The following CCDC3 variants were observed in gnomAD, a reference collection of about 807,000 sequenced individuals.
CCDC3 encodes the protein coiled-coil domain-containing protein 3.
In CCDC3, 24 loss-of-function variants were observed where a neutral mutation model predicts 21.4. The ratio of observed to expected loss-of-function variants is 1.12; its 90% CI spans 0.81 to 1.58. The LOEUF is 1.58. CCDC3 is among the 40% of genes most tolerant of loss of function. The pLI, the probability that CCDC3 is intolerant of heterozygous loss-of-function variation, is 0.00. For missense variants in CCDC3, 425 were observed against 360.9 expected, an observed-to-expected ratio of 1.18 and a Z score of -1.44; for synonymous variants, 186 against 166.0, an observed-to-expected ratio of 1.12 and a Z score of -0.93.
Position 13,062,641 on chromosome 10 carries a change from C to T in CCDC3, c.-270+11227G>A, listed in dbSNP as rs188381806. ...CGTTCCTGGGGGTAGGCTGAACTAA[C>T]TTTGGGAGAAACTTAGTTTATGGTT... is the stretch of plus-strand genomic sequence containing the variant. On this transcript the variant is annotated intron_variant, in intron 4 of 6. Coordinates refer to the CCDC3 transcript ENST00000378839. Among the ~76,000 whole-genome samples the T allele has an allele frequency of 5.4e-3, 817 of 152,264 alleles. 4 individuals carry two copies. The highest frequency in any genetic ancestry group is 8.4e-3 in the Non-Finnish European group (572 of 68,004).
At chr10:12,948,438 T>G (rs1024103205) in intron 2 of CCDC3, among the ~76,000 whole-genome samples, 1 of 150,288 alleles carries the variant, frequency 6.7e-6, no homozygotes, top group Non-Finnish European at 1.5e-5. Flanking sequence ...GGTGAAGAGT[T>G]TGATGTGGCT....
chr10:12,983,130 GTATATATATATATATA>G (rs57120940), intron 2 of CCDC3, among the ~76,000 whole-genome samples: 1 of 29,070 alleles, frequency 3.4e-5, no homozygotes, highest in African/African-American at 1.5e-4. Flanking sequence ...ATAAAATAGT[GTATATATATATATATA>G]TATATATATA....
chr10:13,097,219 C>G (rs1832637871), intron 3 of CCDC3, among the ~76,000 whole-genome samples: 1 of 152,140 alleles, frequency 6.6e-6, no homozygotes. Flanking sequence ...AGTTTTTTCG[C>G]TGCATTTAGA....
intron 2 of CCDC3, among the ~76,000 whole-genome samples, chr10:12,958,769 C>T (rs958922049): frequency 6.6e-6 from 1 of 152,188 alleles, no homozygotes; most frequent in African/African-American, 2.4e-5. Context: ...GCCTCATCCT[C>T]ATCCTCGGCA....
intron 3 of CCDC3, among the ~76,000 whole-genome samples, chr10:13,085,074 C>T (rs1286567384): frequency 2.0e-5 from 3 of 152,182 alleles, no homozygotes; most frequent in Non-Finnish European, 2.9e-5. Context: ...ATCCTGACAA[C>T]AAAGAGAATA....
intron 2 of CCDC3, among the ~76,000 whole-genome samples, chr10:12,939,473 A>G (rs970874758): frequency 1.3e-5 from 2 of 152,210 alleles, no homozygotes; most frequent in African/African-American, 2.4e-5. Flanking sequence ...AAATACAAAA[A>G]TTAGCTAGGC....
At chr10:12,968,583 AC>A (rs1289046683) in intron 2 of CCDC3, among the ~76,000 whole-genome samples, 1 of 152,234 alleles carries the variant, frequency 6.6e-6, no homozygotes, top group Non-Finnish European at 1.5e-5. Flanking sequence ...CAAATTCAGA[AC>A]AGTCTAATAT....
intron 3 of CCDC3, among the ~76,000 whole-genome samples, chr10:13,095,142 C>G (rs1388466371): frequency 1.8e-5 from 1 of 56,422 alleles, no homozygotes; most frequent in African/African-American, 4.1e-5. Context: ...TCTCTGTTTT[C>G]AGTTTCTTTG....
chr10:12,899,556 A>G (rs1478974052), intron 2 of CCDC3, among the ~76,000 whole-genome samples: 1 of 152,224 alleles, frequency 6.6e-6, no homozygotes, highest in Non-Finnish European at 1.5e-5. Context: ...ACCCATCAAG[A>G]GAGGTCTGGT....
intron 2 of CCDC3, among the ~76,000 whole-genome samples, chr10:12,956,055 G>C (rs1050188564): frequency 2.6e-5 from 4 of 151,946 alleles, no homozygotes; most frequent in Admixed American, 1.3e-4. Flanking sequence ...GCCCAGGCTG[G>C]TCTTGAACTC....
intron 2 of CCDC3, among the ~76,000 whole-genome samples, chr10:12,902,955 C>A (rs930602055): frequency 1.3e-5 from 2 of 152,122 alleles, no homozygotes; most frequent in East Asian, 3.9e-4. Flanking sequence ...ATGATAAATT[C>A]CCAAGCAAAG....
intron 4 of CCDC3, chr10:13,058,437 G>T: frequency 1.3e-6 from 1 of 768,856 alleles, no homozygotes; most frequent in Non-Finnish European, 2.4e-6. Context: ...GGCAGTTCGT[G>T]TGCATATGCT....
At chr10:12,938,837 T>G (rs1015763318) in intron 2 of CCDC3, among the ~76,000 whole-genome samples, 19 of 152,222 alleles carry the variant, frequency 1.2e-4, no homozygotes, top group Non-Finnish European at 2.2e-4. Flanking sequence ...GTCTCCTATA[T>G]AATGCCTGCT....
At chr10:13,096,352 T>G (rs1425785500) in intron 3 of CCDC3, among the ~76,000 whole-genome samples, 1 of 152,074 alleles carries the variant, frequency 6.6e-6, no homozygotes, top group Non-Finnish European at 1.5e-5. Flanking sequence ...GCCTGGCTAA[T>G]TTTTATATTT....
At chr10:13,038,855 T>C (rs1836413004) in intron 5 of CCDC3, among the ~76,000 whole-genome samples, 1 of 152,186 alleles carries the variant, frequency 6.6e-6, no homozygotes, top group African/African-American at 2.4e-5. Context: ...TCCCACACCA[T>C]CCTGCAGCAC....
intron 2 of CCDC3, among the ~76,000 whole-genome samples, chr10:12,990,263 C>CA (rs61700228): frequency 0.033 from 3,286 of 99,738 alleles, 140 homozygotes; most frequent in African/African-American, 0.1. Context: ...CCGTCTCAAC[C>CA]AAAAAAAAAA....
At chr10:13,009,124 TAAC>T (rs956040793) in intron 5 of CCDC3, among the ~76,000 whole-genome samples, 1 of 152,210 alleles carries the variant, frequency 6.6e-6, no homozygotes, top group Non-Finnish European at 1.5e-5. Flanking sequence ...TTCTCTTTAC[TAAC>T]AACAATTGGA....
At chr10:12,993,426 A>T (rs1835708189) in intron 2 of CCDC3, among the ~76,000 whole-genome samples, 1 of 152,108 alleles carries the variant, frequency 6.6e-6, no homozygotes, top group African/African-American at 2.4e-5. Flanking sequence ...ATCCTTCCCA[A>T]CTCCAAAAGA....
At chr10:13,058,483 G>A in intron 4 of CCDC3, 1 of 752,350 alleles carries the variant, frequency 1.3e-6, no homozygotes, top group Non-Finnish European at 2.4e-6. Flanking sequence ...TATGGCCTAA[G>A]CAATCTGACA....
Sources: allele counts gnomAD v4.1 joint callset (sites outside exome capture counted in the v4.1 genomes callset), GRCh38; gene constraint gnomAD v4.1.1; transcripts MANE v1.5; gene names NCBI Gene and HGNC (gene_info 2026-07-23, HGNC 2026-07-21).